KIF15: variants seen among roughly 807,000 people sequenced by gnomAD.
The protein encoded by KIF15 is kinesin family member 15.
A neutral mutation model predicts 190.6 loss-of-function variants in KIF15; 140 were observed. The observed-to-expected ratio is 0.73, with a 90% CI of 0.64 to 0.84. The LOEUF is 0.84. Ranked by LOEUF, KIF15 falls within the 40% of genes least tolerant of loss-of-function variation. KIF15 has a pLI of 0.00. For missense variants in KIF15, 1,372 were observed against 1,584.4 expected (o/e 0.87, Z 2.28); for synonymous variants, 528 against 551.3 (o/e 0.96, Z 0.59).
chr3:44,820,995 C>G (rs1374971610), intron 20 of KIF15, among the ~76,000 whole-genome samples: 1 of 141,778 alleles, frequency 7.1e-6, no homozygotes, highest in Non-Finnish European at 1.5e-5. Flanking sequence ...CCCCCCACCT[C>G]CCTCCCGGAC....
At chr3:44,797,292 G>A (rs895289162) in intron 8 of KIF15, among the ~76,000 whole-genome samples, 2 of 152,184 alleles carry the variant, frequency 1.3e-5, no homozygotes, top group East Asian at 1.9e-4. Flanking sequence ...GCCTCCCAAA[G>A]TGCTGGGATG....
At chr3:44,840,326 G>A in intron 27 of KIF15, 29 bp from the exon 28 acceptor site, 1 of 1,364,858 alleles carries the variant, frequency 7.3e-7, no homozygotes. Flanking sequence ...TTACTAAGTT[G>A]TAACCTTGTA....
chr3:44,859,664 A>G (rs1699219631), intron 6 of KIF15, among the ~76,000 whole-genome samples: 1 of 152,118 alleles, frequency 6.6e-6, no homozygotes, highest in South Asian at 2.1e-4. Flanking sequence ...GTCTCAAAAA[A>G]TACATATATA....
intron 7 of KIF15, 102 bp from the exon 8 acceptor site, chr3:44,794,115 A>G (rs1706854716): frequency 2.2e-6 from 2 of 890,784 alleles, no homozygotes; most frequent in Admixed American, 4.4e-5. Context: ...TCCTATCCAC[A>G]AGTGATCCTC....
intron 1 of KIF15, among the ~76,000 whole-genome samples, chr3:44,763,779 C>T (rs1240042311): frequency 3.9e-5 from 6 of 152,010 alleles, no homozygotes; most frequent in African/African-American, 1.5e-4. Context: ...TCTCCACCTC[C>T]TGGGTTCAAG....
chr3:44,788,571 C>T (rs1706521445), intron 7 of KIF15, among the ~76,000 whole-genome samples: 1 of 152,058 alleles, frequency 6.6e-6, no homozygotes, highest in South Asian at 2.1e-4. Flanking sequence ...CCTCCCACCT[C>T]AGCCTCCCTA....
intron 12 of KIF15, 24 bp downstream of exon 12, chr3:44,801,550 A>G: frequency 7.1e-7 from 1 of 1,411,396 alleles, no homozygotes; most frequent in Non-Finnish European, 1.0e-6. Flanking sequence ...TTAGTAATAA[A>G]GGAGATTCAA....
chr3:44,801,208 C>CG (rs756053880), intron 11 of KIF15, among the ~76,000 whole-genome samples: 5,287 of 84,226 alleles, frequency 0.063, 292 homozygotes, highest in Middle Eastern at 0.089. Flanking sequence ...TCGGGGGCGG[C>CG]GGGAGGGGGG....
At position 44,864,355 on chromosome 3, in the gene KIF15, G is replaced by C. The variant is rs770978515; in HGVS notation, c.*60-8974G>C. On this transcript the variant is annotated intron_variant and NMD_transcript_variant, in intron 6 of 6. Transcript: ENST00000422209. The stretch of plus-strand genomic sequence containing the variant: ...ATATCCTCAGCTCGGTGAGTAGCCT[G>C]AGGGTGTGGTGCTCTTGTCCTAAAT... 3.1e-6 allele frequency: 5 copies of C among 1,614,062 alleles called. No homozygotes were observed. The Middle Eastern group carries it at 5.0e-4, about 160-fold the overall frequency.
chr3:44,842,327 C>T (rs928843056), intron 29 of KIF15, among the ~76,000 whole-genome samples: 6 of 151,968 alleles, frequency 3.9e-5, no homozygotes, highest in Non-Finnish European at 8.8e-5. Context: ...GCACATGGCT[C>T]AGGGGTGGGG....
intron 20 of KIF15, among the ~76,000 whole-genome samples, chr3:44,823,628 A>T (rs1049212093): frequency 6.6e-6 from 1 of 152,210 alleles, no homozygotes; most frequent in Admixed American, 6.5e-5. Context: ...GGTGGAATCT[A>T]TAGAGGCAGC....
chr3:44,861,238 G>A (rs544894035), intron 6 of KIF15, among the ~76,000 whole-genome samples: 4 of 152,092 alleles, frequency 2.6e-5, no homozygotes, highest in East Asian at 3.9e-4. Context: ...TGATCCACCC[G>A]CCTCGGCCTC....
intron 6 of KIF15, 41 bp downstream of exon 6, chr3:44,784,983 A>T (rs746075987): frequency 5.8e-6 from 6 of 1,031,524 alleles, no homozygotes; most frequent in Non-Finnish European, 7.3e-6. Context: ...TGAAATGTCT[A>T]ATTTTGAATA....
Position 44,774,320 on chromosome 3 carries a change from C to T in KIF15, c.20-75C>T, listed in dbSNP as rs1270350246. ...AGGAGGCTGAATGTAGCAGGCAACC[C>T]AGGAACATGTTAGAGAAGAATAGGA... On this transcript the variant is annotated intron_variant, in intron 1 of 34. Transcript: ENST00000326047. 16 of 1,348,274 alleles carry T rather than the reference C, an allele frequency of 1.2e-5. No homozygotes were observed. The East Asian group carries it at 2.6e-4, about 22-fold the overall frequency. 83.5% of individuals were successfully genotyped at this position (1,348,274 alleles called of 1,614,324 possible).
At chr3:44,853,950 T>C (rs1344133832), downstream of KIF15, among the ~76,000 whole-genome samples, 2 of 152,174 alleles carry the variant, frequency 1.3e-5, no homozygotes, top group Admixed American at 1.3e-4. Flanking sequence ...GGCAAAATTA[T>C]AGAGATAGAA....
At chr3:44,815,554 C>T (rs934866623) in intron 20 of KIF15, among the ~76,000 whole-genome samples, 3 of 152,250 alleles carry the variant, frequency 2.0e-5, no homozygotes, top group East Asian at 3.9e-4. Context: ...AATGTGCCTG[C>T]TCTGGAGGGA....
At chr3:44,858,824 G>C (rs1343141679) in intron 6 of KIF15, among the ~76,000 whole-genome samples, 3 of 152,182 alleles carry the variant, frequency 2.0e-5, no homozygotes, top group Non-Finnish European at 2.9e-5. Flanking sequence ...ATGTGGAGTT[G>C]GTAGCCTCTG....
intron 6 of KIF15, among the ~76,000 whole-genome samples, chr3:44,860,432 G>T (rs1699228115): frequency 6.6e-6 from 1 of 152,000 alleles, no homozygotes; most frequent in African/African-American, 2.4e-5. Flanking sequence ...GGGCAGTGGT[G>T]CAATTTCGGC....
At chr3:44,774,975 C>A (rs533493466) in intron 2 of KIF15, among the ~76,000 whole-genome samples, 1 of 152,176 alleles carries the variant, frequency 6.6e-6, no homozygotes, top group African/African-American at 2.4e-5. Flanking sequence ...TGGCAGATCC[C>A]TGTAATCCCA....
Sources: allele counts gnomAD v4.1 joint callset (sites outside exome capture counted in the v4.1 genomes callset), GRCh38; gene constraint gnomAD v4.1.1; transcripts MANE v1.5; gene names NCBI Gene and HGNC (gene_info 2026-07-23, HGNC 2026-07-21).